Variants in OVCH1 observed in about 807,000 individuals in gnomAD.
OVCH1 encodes ovochymase 1.
Under a neutral mutation model 138.4 loss-of-function variants are expected in OVCH1, and 139 were observed. The observed-to-expected ratio is 1.00, with a 90% CI of 0.87 to 1.16. The LOEUF is 1.16. Among genes scored for constraint, OVCH1 ranks in the 50% most tolerant of loss-of-function variants. The probability of loss-of-function intolerance (pLI) is 0.00; values close to 1 mark genes in which losing one functional copy is unlikely to be tolerated. For synonymous variants in OVCH1, 453 were observed against 467.8 expected (o/e 0.97, Z 0.41); for missense variants, 1,367 against 1,357.9 (o/e 1.01, Z -0.11).
At chr12:29,411,483 T>G (rs1458520968), downstream of OVCH1, among the ~76,000 whole-genome samples, 1 of 151,974 alleles carries the variant, frequency 6.6e-6, no homozygotes, top group African/African-American at 2.4e-5. Flanking sequence ...GGGTTTTTGG[T>G]GTGGATGTCC....
At chr12:29,437,657 G>T (rs1303606037) in intron 26 of OVCH1, among the ~76,000 whole-genome samples, 1 of 152,158 alleles carries the variant, frequency 6.6e-6, no homozygotes, top group African/African-American at 2.4e-5. Flanking sequence ...GCCCTCTTTA[G>T]TAAAGAGATG....
At chr12:29,496,873 T>C (rs1943432667) in intron 1 of OVCH1, among the ~76,000 whole-genome samples, 199 bp from the exon 2 acceptor site, 1 of 152,222 alleles carries the variant, frequency 6.6e-6, no homozygotes, top group South Asian at 2.1e-4. Flanking sequence ...GCCTCCTGTC[T>C]GCTCCCTTTC....
intron 25 of OVCH1, among the ~76,000 whole-genome samples, chr12:29,442,156 C>T (rs367799543): frequency 2.0e-5 from 3 of 151,652 alleles, no homozygotes; most frequent in African/African-American, 4.8e-5. Flanking sequence ...CATGCTGCTA[C>T]AAAGACACAT....
At chr12:29,437,003 TACAGAG>T (rs1420470378) in intron 26 of OVCH1, among the ~76,000 whole-genome samples, 3 of 152,206 alleles carry the variant, frequency 2.0e-5, no homozygotes, top group Non-Finnish European at 4.4e-5. Flanking sequence ...TGGTCCATTT[TACAGAG>T]TGCTGACTGG....
chr12:29,456,529 CAGAA>C lies in OVCH1; in HGVS notation c.2281-1128_2281-1125del, dbSNP rs961595698. ...ATTGTTTAAATTGACAAATTATAAG[CAGAA>C]AGAGATTTTGAAGAAAACAAACAGT... On this transcript the variant is annotated intron_variant, in intron 19 of 27. Coordinates refer to ENST00000318184, the Ensembl canonical transcript of OVCH1. Among the ~76,000 whole-genome samples, 11 of 152,096 alleles carry C rather than the reference CAGAA, an allele frequency of 7.2e-5. No homozygotes were observed. The South Asian group carries it at 2.1e-3, about 29-fold the overall frequency.
intron 21 of OVCH1, among the ~76,000 whole-genome samples, chr12:29,452,065 T>G (rs1281425709): frequency 6.6e-6 from 1 of 152,158 alleles, no homozygotes; most frequent in Non-Finnish European, 1.5e-5. Flanking sequence ...TTGGGATACC[T>G]CCTGCAGTTT....
chr12:29,477,293 C>A (rs762536308), intron 11 of OVCH1, 48 bp downstream of exon 11: 4 of 1,613,286 alleles, frequency 2.5e-6, no homozygotes, highest in African/African-American at 1.3e-5. Context: ...CTCTTCCCCA[C>A]CCACATCAAG....
At chr12:29,411,546 G>C (rs113794826), downstream of OVCH1, among the ~76,000 whole-genome samples, 52 of 152,208 alleles carry the variant, frequency 3.4e-4, 1 homozygote, top group African/African-American at 1.2e-3. Context: ...CTGCAGGTCT[G>C]TTGGAGCTTG....
At chr12:29,407,552 A>G (rs2135860703), downstream of OVCH1, among the ~76,000 whole-genome samples, 1 of 150,182 alleles carries the variant, frequency 6.7e-6, no homozygotes, top group Non-Finnish European at 1.5e-5. Context: ...AGCACCATTT[A>G]TTAAATAGGG....
chr12:29,421,544 A>G (rs1203721304), intron 3 of OVCH1, among the ~76,000 whole-genome samples: 1 of 152,194 alleles, frequency 6.6e-6, no homozygotes, highest in Non-Finnish European at 1.5e-5. Context: ...TATTGCATCT[A>G]ATCATGAAAT....
intron 14 of OVCH1, 68 bp downstream of exon 14, chr12:29,474,993 G>C (rs1010106343): frequency 1.4e-5 from 21 of 1,490,714 alleles, no homozygotes; most frequent in Middle Eastern, 1.8e-4. Context: ...GGTAAACATG[G>C]CTAAATTATC....
At position 29,439,379 on chromosome 12, in the gene OVCH1, TTC is replaced by T. The variant is rs1287228846; in HGVS notation, c.3211_3212del (p.Glu1071LysfsTer6). The T allele has an allele frequency of 1.3e-6, 2 of 1,570,996 alleles. No homozygotes were observed. The highest frequency in any genetic ancestry group is 1.9e-5 in the Admixed American group (1 of 53,370). ...TATATGTGTTAATAAAATTCAGTTT[TTC>T]TCTTTTTAATATGTCTTTTGTCAGT... On this transcript the variant is annotated frameshift_variant, in exon 26 of 28. Coordinates refer to ENST00000318184, the Ensembl canonical transcript of OVCH1. LOFTEE classifies it high-confidence loss of function.
At chr12:29,462,470 A>G (rs1942171917) in intron 18 of OVCH1, among the ~76,000 whole-genome samples, 2 of 150,396 alleles carry the variant, frequency 1.3e-5, no homozygotes, top group South Asian at 2.1e-4. Flanking sequence ...CCTGTTCTTC[A>G]TCTACTGTCA....
chr12:29,472,587 A>C (rs1404985924), intron 15 of OVCH1, among the ~76,000 whole-genome samples: 1 of 152,186 alleles, frequency 6.6e-6, no homozygotes, highest in African/African-American at 2.4e-5. Context: ...GCAACTTTCT[A>C]TTCCAGTCCA....
chr12:29,422,921 C>T (rs528376031), downstream of OVCH1, among the ~76,000 whole-genome samples: 78 of 152,184 alleles, frequency 5.1e-4, no homozygotes, highest in Admixed American at 2.2e-3. Flanking sequence ...AAATAATAAA[C>T]GCACATACAC....
intron 19 of OVCH1, chr12:29,461,636 T>C (rs1421530162): frequency 6.5e-6 from 4 of 618,088 alleles, no homozygotes; most frequent in Non-Finnish European, 1.2e-5. Flanking sequence ...CCCACCGGCC[T>C]TTGTCGCTGT....
At chr12:29,493,326 T>C (rs1313362763) in intron 4 of OVCH1, among the ~76,000 whole-genome samples, 1 of 152,204 alleles carries the variant, frequency 6.6e-6, no homozygotes, top group Non-Finnish European at 1.5e-5. Flanking sequence ...TAGATTCTTT[T>C]GGGATCCATT....
exon 6 of OVCH1, chr12:29,489,750 A>G: frequency 6.2e-7 from 1 of 1,610,834 alleles, no homozygotes. Flanking sequence ...CATTTCTTGT[A>G]GGACATTTGA....
intron 8 of OVCH1, among the ~76,000 whole-genome samples, chr12:29,483,739 C>T (rs781016400): frequency 2.0e-5 from 3 of 152,172 alleles, no homozygotes; most frequent in Non-Finnish European, 2.9e-5. Context: ...AGAATGACCT[C>T]TTCCTGCCTC....
Sources: gnomAD v4.1 joint callset for allele counts (sites outside exome capture counted in the v4.1 genomes callset) on GRCh38, gnomAD v4.1.1 for gene constraint, MANE v1.5 for transcripts, NCBI Gene and HGNC (gene_info 2026-07-23, HGNC 2026-07-21) for gene names.